Variants in DHRS4L2 observed in about 807,000 individuals in gnomAD.
The protein encoded by DHRS4L2 is dehydrogenase/reductase 4 like 2, also known as dehydrogenase/reductase SDR family member 4-like 2.
Under a neutral mutation model 23.9 loss-of-function variants are expected in DHRS4L2, and 22 were observed. The observed-to-expected ratio is 0.92, with a 90% CI of 0.66 to 1.31. DHRS4L2 has a LOEUF of 1.31. DHRS4L2 is among the 40% of genes most tolerant of loss of function. DHRS4L2 has a pLI of 0.00. For synonymous variants in DHRS4L2, 141 were observed against 123.7 expected (o/e 1.14, Z -0.93); for missense variants, 385 against 303.3 (o/e 1.27, Z -2.00).
upstream of DHRS4L2, among the ~76,000 whole-genome samples, chr14:23,984,030 A>G (rs549493945): frequency 7.6e-4 from 116 of 151,770 alleles, 1 homozygote; most frequent in Admixed American, 2.1e-3. Context: ...TTAAAGTATA[A>G]TAATTTAAAA....
chr14:23,989,130 G>T (rs2034212370), intron 1 of DHRS4L2, 55 bp downstream of exon 1: 2 of 1,543,538 alleles, frequency 1.3e-6, no homozygotes, highest in South Asian at 2.4e-5. Flanking sequence ...ACATGCACTG[G>T]TGTCTCGTCC....
chr14:23,975,660 A>C (rs1281287626), intron 1 of DHRS4L2, among the ~76,000 whole-genome samples: 4 of 151,820 alleles, frequency 2.6e-5, no homozygotes, highest in Non-Finnish European at 5.9e-5. Flanking sequence ...TGGAGGCGTC[A>C]CACTACCTGA....
At position 23,971,036 on chromosome 14, in the gene DHRS4L2, T is replaced by C. The variant is rs190495407; in HGVS notation, c.-176+704T>C. Among the ~76,000 whole-genome samples the C allele has an allele frequency of 2.5e-3, 387 of 152,136 alleles. 8 individuals are homozygous for C. Among genetic ancestry groups the C allele is most frequent in the Admixed American group, 0.012 (182 of 15,288 alleles). The stretch of plus-strand genomic sequence containing the variant: ...CCAAAGGTAGATAAAACCACAAAGA[T>C]GGAGAGAAACCAGAGCAGAAATGCT... On this transcript the variant is annotated intron_variant, in intron 1 of 5. Coordinates refer to the DHRS4L2 transcript ENST00000534993.
At chr14:23,981,208 T>C (rs117788663) in intron 1 of DHRS4L2, among the ~76,000 whole-genome samples, 13,966 of 151,434 alleles carry the variant, frequency 0.092, 914 homozygotes, top group East Asian at 0.24. Context: ...TCGCGACTGC[T>C]ACAAAGAGAA....
chr14:24,001,654 C>A, intron 6 of DHRS4L2, 137 bp downstream of exon 6: 3 of 1,299,976 alleles, frequency 2.3e-6, no homozygotes, highest in East Asian at 5.1e-5. Context: ...TATTCCCTCT[C>A]TGTACCACCT....
chr14:23,988,258 C>G (rs2034188894), upstream of DHRS4L2, among the ~76,000 whole-genome samples: 2 of 149,674 alleles, frequency 1.3e-5, no homozygotes, highest in African/African-American at 4.9e-5. Context: ...GTCCAGCCTC[C>G]TCGCTACCAC....
In DHRS4L2 at chr14:23,989,000, G is replaced by A. The variant is rs371104581; in HGVS notation, c.53G>A (p.Arg18Gln). Reference protein sequence around the residue: ...GLCAWARKSVRMASSRMTRRD... With the variant: ...GLCAWARKSVQMASSRMTRRD... ...TGTGCCTGGGCACGGAAGTCGGTGC[G>A]GATGGCCAGCTCCAGGATGACCCGC... is the stretch of plus-strand genomic sequence containing the variant. Residue 18 changes from arginine to glutamine, a missense_variant, in exon 1 of 8, where the codon CGG becomes CAG. Physicochemically the swap from Arg to Gln is conservative, Grantham distance 43. Coordinates refer to ENST00000335125, the MANE Select transcript of DHRS4L2 (RefSeq NM_198083.4). 2 of 1,610,784 alleles carry A rather than the reference G, an allele frequency of 1.2e-6. No individual in the cohort carries two copies. Among genetic ancestry groups the A allele is most frequent in the Non-Finnish European group, 1.7e-6 (2 of 1,178,396 alleles).
intron 1 of DHRS4L2, among the ~76,000 whole-genome samples, chr14:23,989,971 A>G (rs1330442379): frequency 2.6e-5 from 4 of 151,860 alleles, no homozygotes; most frequent in African/African-American, 4.8e-5. Context: ...CTTGGGAACT[A>G]AGGCTGTGAT....
intron 1 of DHRS4L2, among the ~76,000 whole-genome samples, chr14:23,982,099 G>T (rs1234109801): frequency 6.6e-6 from 1 of 151,582 alleles, no homozygotes; most frequent in African/African-American, 2.4e-5. Flanking sequence ...GACGGTCAGG[G>T]CTCTCCCATC....
upstream of DHRS4L2, among the ~76,000 whole-genome samples, chr14:23,986,813 C>T (rs1594461004): frequency 6.6e-6 from 1 of 151,142 alleles, no homozygotes; most frequent in Non-Finnish European, 1.5e-5. Context: ...CTCCCCCCAG[C>T]CCCACACAGA....
At chr14:23,990,838 G>C in intron 2 of DHRS4L2, 1 of 456,846 alleles carries the variant, frequency 2.2e-6, no homozygotes, top group Non-Finnish European at 2.9e-6. Context: ...TATTCTCTCA[G>C]TCTGCAGACC....
At chr14:23,994,806 G>T (rs1345659371) in intron 2 of DHRS4L2, among the ~76,000 whole-genome samples, 4 of 151,708 alleles carry the variant, frequency 2.6e-5, no homozygotes, top group Non-Finnish European at 5.9e-5. Context: ...AGCTTTTGTT[G>T]TCATTGTTGT....
At chr14:23,989,667 A>G (rs1283660475) in intron 1 of DHRS4L2, among the ~76,000 whole-genome samples, 1 of 151,820 alleles carries the variant, frequency 6.6e-6, no homozygotes, top group African/African-American at 2.4e-5. Context: ...AAATGTAGAT[A>G]AAATGCTAAT....
At chr14:23,997,684 A>C (rs1291616195) in intron 3 of DHRS4L2, among the ~76,000 whole-genome samples, 1 of 147,068 alleles carries the variant, frequency 6.8e-6, no homozygotes, top group Non-Finnish European at 1.5e-5. Flanking sequence ...AGATTGTAGC[A>C]ATTCAGTCCT....
At chr14:23,994,714 G>C (rs573954624) in intron 2 of DHRS4L2, among the ~76,000 whole-genome samples, 1 of 151,852 alleles carries the variant, frequency 6.6e-6, no homozygotes, top group East Asian at 1.9e-4. Context: ...ACCTTAAATG[G>C]TTAGCGGCAG....
intron 1 of DHRS4L2, among the ~76,000 whole-genome samples, chr14:23,980,783 T>G (rs1566488491): frequency 6.6e-6 from 1 of 151,290 alleles, no homozygotes; most frequent in Admixed American, 6.6e-5. Context: ...CTCAATAAAC[T>G]AGGTATTGAT....
At chr14:23,987,131 GTT>G, upstream of DHRS4L2, 1 of 285,366 alleles carries the variant, frequency 3.5e-6, no homozygotes, top group Admixed American at 4.8e-5. Context: ...TGAAATCCTT[GTT>G]TTTTTTCTTT....
chr14:23,971,007 A>C (rs1158929757), intron 1 of DHRS4L2, among the ~76,000 whole-genome samples: 1 of 152,104 alleles, frequency 6.6e-6, no homozygotes, highest in Non-Finnish European at 1.5e-5. Flanking sequence ...ACCAACATCA[A>C]AGACCAAAGG....
upstream of DHRS4L2, chr14:23,988,742 C>T (rs541511957): frequency 4.5e-5 from 62 of 1,367,460 alleles, 1 homozygote; most frequent in Non-Finnish European, 5.7e-5. Context: ...CCCGGGAAGG[C>T]AAGCCCCAGT....
Sources: gnomAD v4.1 joint callset for allele counts (sites outside exome capture counted in the v4.1 genomes callset) on GRCh38, gnomAD v4.1.1 for gene constraint, MANE v1.5 for transcripts, NCBI Gene and HGNC (gene_info 2026-07-23, HGNC 2026-07-21) for gene names.